SLC26A4: variants seen among roughly 807,000 people sequenced by gnomAD.
SLC26A4 encodes the protein pendrin.
SLC26A4 carries 93 observed loss-of-function variants against 90.4 expected under a neutral mutation model. The ratio of observed to expected loss-of-function variants is 1.03; its 90% CI spans 0.87 to 1.22. The LOEUF is 1.22. Among genes scored for constraint, SLC26A4 ranks in the 50% most tolerant of loss-of-function variants. The pLI, the probability that SLC26A4 is intolerant of heterozygous loss-of-function variation, is 0.00. For synonymous variants in SLC26A4, 393 were observed against 354.6 expected, an observed-to-expected ratio of 1.11 and a Z score of -1.22; for missense variants, 1,127 against 946.2, an observed-to-expected ratio of 1.19 and a Z score of -2.51.
intron 18 of SLC26A4, among the ~76,000 whole-genome samples, chr7:107,709,672 C>G (rs998534724): frequency 2.0e-5 from 3 of 150,780 alleles, no homozygotes; most frequent in Non-Finnish European, 2.9e-5. Flanking sequence ...GCCAAAGGGA[C>G]GTGATCGTCC....
At chr7:107,663,965 G>A (rs1225367176) in intron 3 of SLC26A4, among the ~76,000 whole-genome samples, 2 of 152,028 alleles carry the variant, frequency 1.3e-5, no homozygotes, top group Non-Finnish European at 2.9e-5. Context: ...TTACAGGCGT[G>A]AGCCACTGCA....
rs533731356 is a variant in SLC26A4 at position 107,702,445 on chromosome 7, A to G, written c.2034+388A>G. Reference sequence around the variant, plus strand: ...GGTGGCTCACGCCTGTAATCCCAGCACTTCGGGAGGCTGAGGCAGGTGGAT... The same window carrying G: ...GGTGGCTCACGCCTGTAATCCCAGCGCTTCGGGAGGCTGAGGCAGGTGGAT... On this transcript the variant is annotated intron_variant, in intron 17 of 20. Coordinates refer to ENST00000644269, the MANE Select transcript of SLC26A4 (RefSeq NM_000441.2). 3.2e-3 allele frequency among the ~76,000 whole-genome samples: 481 copies of G among 152,186 alleles called. 3 individuals carry two copies. The highest frequency in any genetic ancestry group is 0.011 in the African/African-American group (468 of 41,520).
At chr7:107,685,570 A>G (rs1036034763) in intron 8 of SLC26A4, among the ~76,000 whole-genome samples, 3 of 152,184 alleles carry the variant, frequency 2.0e-5, no homozygotes, top group African/African-American at 4.8e-5. Context: ...TTAGTCCCCA[A>G]TAACAATGCC....
At chr7:107,677,769 C>A (rs1791067899) in intron 6 of SLC26A4, among the ~76,000 whole-genome samples, 1 of 151,892 alleles carries the variant, frequency 6.6e-6, no homozygotes, top group South Asian at 2.1e-4. Flanking sequence ...CCACACCTGG[C>A]TAATTTTCTT....
At chr7:107,704,310 A>T in intron 17 of SLC26A4, 21 bp from the exon 18 acceptor site, 2 of 1,118,532 alleles carry the variant, frequency 1.8e-6, no homozygotes, top group Non-Finnish European at 2.7e-6. Context: ...ATTGTTACAA[A>T]CTCTCCTTTT....
intron 8 of SLC26A4, among the ~76,000 whole-genome samples, chr7:107,688,437 G>A (rs1342487405): frequency 6.6e-6 from 1 of 152,110 alleles, no homozygotes; most frequent in Non-Finnish European, 1.5e-5. Context: ...TATATGGTTT[G>A]TAGGGTAGCT....
intron 4 of SLC26A4, among the ~76,000 whole-genome samples, chr7:107,673,599 C>T (rs576976899): frequency 6.6e-6 from 1 of 152,300 alleles, no homozygotes; most frequent in Admixed American, 6.5e-5. Context: ...ATGAGGATCA[C>T]ACACAGACAG....
intron 11 of SLC26A4, 26 bp downstream of exon 11, chr7:107,694,506 G>A (rs374503607): frequency 1.8e-5 from 29 of 1,585,016 alleles, no homozygotes; most frequent in South Asian, 1.3e-4. Flanking sequence ...TCTGCATACC[G>A]ATTGCATAAT....
intron 15 of SLC26A4, among the ~76,000 whole-genome samples, chr7:107,700,472 T>A (rs184437989): frequency 1.3e-5 from 2 of 151,830 alleles, no homozygotes; most frequent in East Asian, 3.9e-4. Flanking sequence ...CAGTTGAGAG[T>A]TCATAGAAGG....
intron 18 of SLC26A4, among the ~76,000 whole-genome samples, chr7:107,709,029 G>A (rs1360825993): frequency 6.6e-6 from 1 of 152,160 alleles, no homozygotes; most frequent in East Asian, 1.9e-4. Flanking sequence ...GATTTATTGA[G>A]AATACATCTG....
At chr7:107,705,056 G>A (rs747158842) in intron 18 of SLC26A4, among the ~76,000 whole-genome samples, 1 of 152,158 alleles carries the variant, frequency 6.6e-6, no homozygotes, top group Non-Finnish European at 1.5e-5. Flanking sequence ...CTGAGCCACC[G>A]AAGGCTGCTC....
At position 107,717,528 on chromosome 7, in the gene SLC26A4, T is replaced by C. The variant is rs1368456772; in HGVS notation, c.*2082T>C. Reference sequence around the variant, plus strand: ...TAGAGTTTGTAAATTCTGGGTTCATTTGTGATGACATAAGTCAGCAAACTG... The same window carrying C: ...TAGAGTTTGTAAATTCTGGGTTCATCTGTGATGACATAAGTCAGCAAACTG... On this transcript the variant is annotated 3_prime_UTR_variant, in exon 21 of 21. Coordinates refer to ENST00000644269, the MANE Select transcript of SLC26A4 (RefSeq NM_000441.2). 2 of 152,616 alleles carry C rather than the reference T, an allele frequency of 1.3e-5. No individual in the cohort carries two copies. The highest frequency in any genetic ancestry group is 4.8e-5 in the African/African-American group (2 of 41,452). 9.5% of individuals were successfully genotyped at this position (152,616 alleles called of 1,614,324 possible). A position where few individuals can be genotyped will look rare whatever the true frequency, so the allele number is the denominator to read the frequency against.
At chr7:107,698,597 G>A (rs546705711) in intron 14 of SLC26A4, among the ~76,000 whole-genome samples, 13 of 152,236 alleles carry the variant, frequency 8.5e-5, no homozygotes, top group Admixed American at 1.3e-4. Context: ...GATTACAGGC[G>A]TGAGCCACTG....
At chr7:107,692,531 A>G (rs1049476384) in intron 10 of SLC26A4, among the ~76,000 whole-genome samples, 2 of 152,214 alleles carry the variant, frequency 1.3e-5, no homozygotes, top group Non-Finnish European at 2.9e-5. Flanking sequence ...CTTAGCATCT[A>G]TGATACATAT....
chr7:107,681,588 G>A (rs1192241282), intron 6 of SLC26A4, among the ~76,000 whole-genome samples: 1 of 152,040 alleles, frequency 6.6e-6, no homozygotes, highest in Non-Finnish European at 1.5e-5. Flanking sequence ...TACCTTCACT[G>A]TGAGATTGTC....
At chr7:107,704,726 T>G (rs1279881042) in intron 18 of SLC26A4, among the ~76,000 whole-genome samples, 3 of 152,112 alleles carry the variant, frequency 2.0e-5, no homozygotes, top group Non-Finnish European at 2.9e-5. Flanking sequence ...TAACATGAGG[T>G]CATGTCAGGA....
Position 107,661,669 on chromosome 7 carries a change from C to T in SLC26A4, c.28C>T (p.Pro10Ser), listed in dbSNP as rs200102493. The T allele has an allele frequency of 1.3e-6, 2 of 1,569,908 alleles. No individual in the cohort carries two copies. Among genetic ancestry groups the T allele is most frequent in the African/African-American group, 1.3e-5 (1 of 74,274 alleles). Residue 10 changes from proline (P) to serine (S), a missense_variant, in exon 2 of 21, where the codon CCG becomes TCG. Physicochemically the swap from Pro to Ser is moderately conservative, Grantham distance 74. Coordinates refer to ENST00000644269, the MANE Select transcript of SLC26A4 (RefSeq NM_000441.2). This position sits in a 1 kb window ranked among gnomAD's most constrained non-coding sequence, Gnocchi z 5.1. Reference protein sequence around the residue: MAAPGGRSEPPQLPEYSCSY... With the variant: MAAPGGRSESPQLPEYSCSY... The stretch of plus-strand genomic sequence containing the variant: ...GGCAGCGCCAGGCGGCAGGTCGGAG[C>T]CGCCGCAGCTCCCCGAGTACAGCTG...
intron 18 of SLC26A4, among the ~76,000 whole-genome samples, chr7:107,706,156 A>G (rs1394657735): frequency 6.6e-6 from 1 of 152,230 alleles, no homozygotes; most frequent in Non-Finnish European, 1.5e-5. Context: ...TTCTTTCTAT[A>G]GTCACCTCCA....
At chr7:107,678,476 A>T (rs1296995488) in intron 6 of SLC26A4, among the ~76,000 whole-genome samples, 4 of 152,194 alleles carry the variant, frequency 2.6e-5, no homozygotes, top group Non-Finnish European at 5.9e-5. Context: ...GTCTCATAGG[A>T]TTATGTTTAA....
Sources: gnomAD v4.1 joint callset for allele counts (sites outside exome capture counted in the v4.1 genomes callset) on GRCh38, gnomAD v4.1.1 for gene constraint, Gnocchi (gnomAD v3.1) non-coding constraint, MANE v1.5 for transcripts, NCBI Gene and HGNC (gene_info 2026-07-23, HGNC 2026-07-21) for gene names.